Variants in L3MBTL4 observed in about 807,000 individuals in gnomAD.
L3MBTL4 encodes lethal(3)malignant brain tumor-like protein 4.
A neutral mutation model predicts 84.5 loss-of-function variants in L3MBTL4; 70 were observed. That is an observed-to-expected ratio of 0.83 (90% CI 0.68 to 1.01). L3MBTL4 has a LOEUF of 1.01. Among genes scored for constraint, L3MBTL4 ranks in the 50% least tolerant of loss-of-function variants. The probability of loss-of-function intolerance (pLI) is 0.00; values close to 1 mark genes in which losing one functional copy is unlikely to be tolerated. For synonymous variants in L3MBTL4, 274 were observed against 259.8 expected (o/e 1.05, Z -0.52); for missense variants, 715 against 754.8 (o/e 0.95, Z 0.62).
At chr18:6,280,633 A>G (rs566567843) in intron 4 of L3MBTL4, among the ~76,000 whole-genome samples, 2 of 152,182 alleles carry the variant, frequency 1.3e-5, no homozygotes, top group Non-Finnish European at 2.9e-5. Context: ...CTGTGAATTC[A>G]TTATCTGACA....
intron 12 of L3MBTL4, among the ~76,000 whole-genome samples, chr18:6,180,426 GT>G (rs1161599460): frequency 1.3e-5 from 2 of 151,942 alleles, no homozygotes; most frequent in African/African-American, 2.4e-5. Context: ...CTGCCCCTAG[GT>G]TTGTTCCTTA....
chr18:6,051,454 G>A (rs563769486), intron 16 of L3MBTL4, among the ~76,000 whole-genome samples: 6 of 152,118 alleles, frequency 3.9e-5, no homozygotes, highest in Middle Eastern at 6.8e-3. Flanking sequence ...CAGGAGAATC[G>A]CTTGAACTTG....
chr18:6,187,201 T>C (rs1400254507), intron 12 of L3MBTL4, among the ~76,000 whole-genome samples: 1 of 152,236 alleles, frequency 6.6e-6, no homozygotes, highest in Non-Finnish European at 1.5e-5. Flanking sequence ...TCAAGGTAGA[T>C]GCTGTTTTTA....
At chr18:6,195,604 A>G (rs781493238) in intron 12 of L3MBTL4, among the ~76,000 whole-genome samples, 1 of 152,228 alleles carries the variant, frequency 6.6e-6, no homozygotes, top group Non-Finnish European at 1.5e-5. Flanking sequence ...CACTCAGAGA[A>G]AGCCTCACCA....
intron 13 of L3MBTL4, among the ~76,000 whole-genome samples, chr18:6,168,572 G>A (rs887819274): frequency 6.6e-6 from 1 of 152,134 alleles, no homozygotes; most frequent in Non-Finnish European, 1.5e-5. Context: ...AAAAAGCAAT[G>A]GGGAAAGGAT....
intron 1 of L3MBTL4, among the ~76,000 whole-genome samples, chr18:6,365,347 T>G (rs1299276085): frequency 6.6e-6 from 1 of 152,188 alleles, no homozygotes; most frequent in African/African-American, 2.4e-5. Flanking sequence ...GTTATTTTCC[T>G]CCCAGCTTTG....
chr18:6,333,196 G>A (rs1342936271), intron 1 of L3MBTL4, among the ~76,000 whole-genome samples: 1 of 152,060 alleles, frequency 6.6e-6, no homozygotes, highest in Non-Finnish European at 1.5e-5. Context: ...ACTTTCAAGG[G>A]TAGGAATCAA....
At chr18:6,211,246 C>G (rs1344950349) in intron 12 of L3MBTL4, among the ~76,000 whole-genome samples, 5 of 152,092 alleles carry the variant, frequency 3.3e-5, no homozygotes, top group African/African-American at 1.2e-4. Context: ...GCCTGTTGAC[C>G]AACACAATTA....
intron 1 of L3MBTL4, among the ~76,000 whole-genome samples, chr18:6,373,743 C>A (rs1326011380): frequency 6.6e-6 from 1 of 151,910 alleles, no homozygotes; most frequent in Non-Finnish European, 1.5e-5. Flanking sequence ...GCTTTACAAA[C>A]TCCATCAGAT....
At chr18:6,373,427 G>T (rs551294455) in intron 1 of L3MBTL4, among the ~76,000 whole-genome samples, 3 of 152,070 alleles carry the variant, frequency 2.0e-5, no homozygotes, top group Admixed American at 2.0e-4. Context: ...TCCACTAGAC[G>T]TCCTTGACAT....
At chr18:6,196,784 C>T (rs1347968708) in intron 12 of L3MBTL4, among the ~76,000 whole-genome samples, 2 of 152,178 alleles carry the variant, frequency 1.3e-5, no homozygotes, top group South Asian at 2.1e-4. Flanking sequence ...GCTGGAGAAG[C>T]AGGAGGAAGC....
In L3MBTL4 at chr18:6,029,349, TTAGAA is replaced by T. The variant is rs567270016; in HGVS notation, c.1444+51527_1444+51531del. Reference sequence around the variant, plus strand: ...AAGATATTTCAGTTCAAGGGGAAAATTAGAATAAAGAACTTTCAATAGGTAAAATG... The same window carrying T: ...AAGATATTTCAGTTCAAGGGGAAAATTAAAGAACTTTCAATAGGTAAAATG... On this transcript the variant is annotated intron_variant, in intron 16 of 18. Coordinates refer to ENST00000317931, the MANE Select transcript of L3MBTL4 (RefSeq NM_001330559.2). The T allele has an allele frequency of 3.1e-3, 1,913 of 619,072 alleles. 6 individuals carry two copies. The highest frequency in any genetic ancestry group is 3.6e-3 in the Non-Finnish European group (1,804 of 495,912). The allele number at this position is 619,072 out of a possible 1,614,324, so 38.3% of individuals were successfully genotyped here. A position where few individuals can be genotyped will look rare whatever the true frequency, so the allele number is the denominator to read the frequency against.
At chr18:6,281,356 G>A (rs1196011282) in intron 4 of L3MBTL4, among the ~76,000 whole-genome samples, 16 of 152,070 alleles carry the variant, frequency 1.1e-4, no homozygotes, top group Admixed American at 7.9e-4. Context: ...ATACATAGAC[G>A]GCACCAAAGA....
chr18:6,273,775 A>G (rs976321125), intron 4 of L3MBTL4, among the ~76,000 whole-genome samples: 1 of 152,262 alleles, frequency 6.6e-6, no homozygotes, highest in Admixed American at 6.5e-5. Flanking sequence ...AAGCTAAAAT[A>G]CAAAACAGGA....
chr18:6,163,191 T>C (rs1164874883), intron 13 of L3MBTL4, among the ~76,000 whole-genome samples: 1 of 137,614 alleles, frequency 7.3e-6, no homozygotes, highest in Non-Finnish European at 1.5e-5. Flanking sequence ...AATTCAGTGA[T>C]AAATAAAAAA....
intron 16 of L3MBTL4, among the ~76,000 whole-genome samples, chr18:6,009,078 G>A (rs1022770314): frequency 2.6e-5 from 4 of 152,204 alleles, no homozygotes; most frequent in African/African-American, 7.2e-5. Context: ...GCTATAAGGC[G>A]GGTTCAGACC....
At chr18:6,032,296 A>G (rs1221841880) in intron 16 of L3MBTL4, 1 of 986,710 alleles carries the variant, frequency 1.0e-6, no homozygotes, top group Non-Finnish European at 1.2e-6. Context: ...AAAAAAAAAA[A>G]AAAGAACTAA....
intron 18 of L3MBTL4, among the ~76,000 whole-genome samples, chr18:5,956,673 C>G (rs928999142): frequency 2.6e-5 from 4 of 152,196 alleles, no homozygotes; most frequent in Admixed American, 2.0e-4. Flanking sequence ...CTATTGTTGT[C>G]TTTTAAAAAG....
At chr18:6,313,672 T>C (rs1375839683) in intron 1 of L3MBTL4, among the ~76,000 whole-genome samples, 1 of 152,172 alleles carries the variant, frequency 6.6e-6, no homozygotes, top group African/African-American at 2.4e-5. Context: ...CGACAAATAA[T>C]ACCCCATGAC....
Sources: allele counts gnomAD v4.1 joint callset (sites outside exome capture counted in the v4.1 genomes callset), GRCh38; gene constraint gnomAD v4.1.1; transcripts MANE v1.5; gene names NCBI Gene and HGNC (gene_info 2026-07-23, HGNC 2026-07-21).